Variants in UBR3 observed in about 807,000 individuals in gnomAD.
UBR3 encodes the protein ubiquitin protein ligase E3 component n-recognin 3.
In UBR3, 85 loss-of-function variants were observed where a neutral mutation model predicts 243.2. The ratio of observed to expected loss-of-function variants is 0.35; its 90% CI spans 0.29 to 0.42. UBR3 has a LOEUF of 0.42. Among genes scored for constraint, UBR3 ranks in the 10% least tolerant of loss-of-function variants. The pLI is 1.00. For missense variants in UBR3, 1,686 were observed against 2,300.8 expected (o/e 0.73, Z 5.47); for synonymous variants, 748 against 799.8 (o/e 0.94, Z 1.09).
chr2:169,915,314 A>C (rs2085419262), intron 11 of UBR3, among the ~76,000 whole-genome samples: 1 of 151,988 alleles, frequency 6.6e-6, no homozygotes, highest in Non-Finnish European at 1.5e-5. Context: ...GCTCACTGCA[A>C]CCTCTGCCTC....
intron 4 of UBR3, among the ~76,000 whole-genome samples, chr2:169,878,037 T>C (rs1323463289): frequency 6.6e-6 from 1 of 152,170 alleles, no homozygotes; most frequent in East Asian, 1.9e-4. Flanking sequence ...TATTGAAGTA[T>C]CAACCTATTA....
chr2:169,910,662 C>T (rs1006894720), intron 10 of UBR3, among the ~76,000 whole-genome samples: 3 of 152,098 alleles, frequency 2.0e-5, no homozygotes, highest in African/African-American at 4.8e-5. Flanking sequence ...ACATTCTCTT[C>T]GTGAGCACTT....
At chr2:170,067,228 G>T (rs904898912) in intron 35 of UBR3, among the ~76,000 whole-genome samples, 14 of 152,038 alleles carry the variant, frequency 9.2e-5, no homozygotes, top group Non-Finnish European at 1.8e-4. Flanking sequence ...GAAAAATGTT[G>T]CTATTTTTCT....
At chr2:169,915,358 C>T (rs1371078208) in intron 11 of UBR3, among the ~76,000 whole-genome samples, 4 of 152,122 alleles carry the variant, frequency 2.6e-5, no homozygotes, top group Admixed American at 6.5e-5. Flanking sequence ...CTCAGCCTCC[C>T]GAGTAGCTGG....
rs376915821 is a variant in UBR3, at chr2:169,949,952, G to T, written c.3432G>T (p.Ser1144=). The part of the protein sequence containing the change: ...AVERILLKAA[S]QSRMNKRIIE... ...AAAGAATTTTACTAAAAGCTGCATC[G>T]CAAAGTAGAATGAACAAACGCATCA... The change falls in exon 23 of 39, where the codon TCG becomes TCT. Residue 1144 remains serine, a synonymous_variant. Coordinates refer to ENST00000272793, the MANE Select transcript of UBR3 (RefSeq NM_172070.4). 6.2e-7 allele frequency: 1 copy of T among 1,613,706 alleles called. No homozygotes were observed. The highest frequency in any genetic ancestry group is 1.7e-5 in the Admixed American group (1 of 59,978).
At chr2:170,071,667 T>G (rs1177970515) in intron 35 of UBR3, among the ~76,000 whole-genome samples, 1 of 152,180 alleles carries the variant, frequency 6.6e-6, no homozygotes, top group African/African-American at 2.4e-5. Flanking sequence ...AATGGAAGAA[T>G]TGTAAATTTC....
chr2:169,942,698 G>T, intron 20 of UBR3, 64 bp downstream of exon 20: 1 of 1,376,832 alleles, frequency 7.3e-7, no homozygotes, highest in South Asian at 1.8e-5. Flanking sequence ...TAATCCTAAA[G>T]GATAATATTT....
intron 11 of UBR3, among the ~76,000 whole-genome samples, chr2:169,918,871 G>A (rs1307440678): frequency 2.0e-5 from 3 of 152,142 alleles, no homozygotes; most frequent in African/African-American, 4.8e-5. Flanking sequence ...GGGATACAGT[G>A]ATAAAACAGT....
chr2:169,932,704 T>C lies in UBR3; in HGVS notation c.2567-208T>C, dbSNP rs1413688011. 2.6e-5 allele frequency among the ~76,000 whole-genome samples: 4 copies of C among 152,222 alleles called. No homozygotes were observed. The East Asian group carries it at 5.8e-4, about 22-fold the overall frequency. On this transcript the variant is annotated intron_variant, in intron 18 of 38. Transcript: ENST00000272793. ...AAAACTTTTGTTCTTTAGTGCTTGC[T>C]GAACTCAAGAGAACATTCCTGATGA...
chr2:170,010,738 A>G (rs940642339), intron 29 of UBR3, among the ~76,000 whole-genome samples: 5 of 152,208 alleles, frequency 3.3e-5, no homozygotes, highest in African/African-American at 7.2e-5. Context: ...CTAAAGCAGC[A>G]AAACAATAAT....
intron 1 of UBR3, among the ~76,000 whole-genome samples, chr2:169,869,861 C>T (rs1273620851): frequency 1.3e-5 from 2 of 151,972 alleles, no homozygotes; most frequent in African/African-American, 4.8e-5. Context: ...TGTTGAATTC[C>T]TTTATTTTTC....
intron 21 of UBR3, chr2:169,947,313 T>G: frequency 3.1e-6 from 1 of 323,242 alleles, no homozygotes; most frequent in Non-Finnish European, 5.6e-6. Context: ...AATCAGGAAT[T>G]TAGCTGATTC....
chr2:169,962,514 A>G (rs1333467546), intron 24 of UBR3, among the ~76,000 whole-genome samples: 1 of 152,210 alleles, frequency 6.6e-6, no homozygotes, highest in Non-Finnish European at 1.5e-5. Context: ...ACTGAGCATC[A>G]GGGTATTTTG....
chr2:169,875,377 T>A (rs2083568487), intron 2 of UBR3, among the ~76,000 whole-genome samples: 1 of 152,210 alleles, frequency 6.6e-6, no homozygotes, highest in East Asian at 1.9e-4. Context: ...TTGCCCAGGC[T>A]GGAGTACAGT....
In UBR3 at chr2:169,947,616, C is replaced by T. The variant is rs2086836634; in HGVS notation, c.2985C>T (p.His995=). Residue 995 remains histidine (H), a synonymous_variant, in exon 22 of 39, where the codon CAC becomes CAT. Coordinates refer to ENST00000272793, the MANE Select transcript of UBR3 (RefSeq NM_172070.4). ...PGSNLVSNMR[H]FINYVRVRVP... is the part of the protein sequence containing the mutation. ...GTAACTTAGTGTCAAACATGCGACA[C>T]TTTATAAACTATGTTAGAGTAAGAG... 1 of 1,538,744 alleles carries T rather than the reference C, an allele frequency of 6.5e-7. No individual in the cohort carries two copies. The highest frequency in any genetic ancestry group is 1.4e-5 in the African/African-American group (1 of 72,374).
intron 33 of UBR3, among the ~76,000 whole-genome samples, chr2:170,060,334 T>TA (rs2091432577): frequency 6.6e-6 from 1 of 152,106 alleles, no homozygotes; most frequent in Non-Finnish European, 1.5e-5. Flanking sequence ...TTCTTTCTGA[T>TA]AAAAATGGAA....
chr2:169,962,610 T>A (rs1220747789), intron 24 of UBR3, among the ~76,000 whole-genome samples: 1 of 152,350 alleles, frequency 6.6e-6, no homozygotes, highest in East Asian at 1.9e-4. Flanking sequence ...GATCTTTTAA[T>A]TTTTTAATGT....
intron 24 of UBR3, among the ~76,000 whole-genome samples, chr2:169,983,229 T>C (rs1198253405): frequency 6.6e-6 from 1 of 150,648 alleles, no homozygotes; most frequent in African/African-American, 2.4e-5. Context: ...AGGCATATTG[T>C]TGTTTTTGCC....
intron 1 of UBR3, among the ~76,000 whole-genome samples, chr2:169,871,859 T>A (rs1001548426): frequency 6.6e-5 from 10 of 152,116 alleles, no homozygotes; most frequent in African/African-American, 2.2e-4. Context: ...ATGCAATAAG[T>A]TAGAAATAGG....
Sources: allele counts gnomAD v4.1 joint callset (sites outside exome capture counted in the v4.1 genomes callset), GRCh38; gene constraint gnomAD v4.1.1; transcripts MANE v1.5; gene names NCBI Gene and HGNC (gene_info 2026-07-23, HGNC 2026-07-21).